Variants in MEGF11 observed in about 807,000 individuals in gnomAD.
The protein encoded by MEGF11 is multiple EGF like domains 11.
A neutral mutation model predicts 146.6 loss-of-function variants in MEGF11; 126 were observed. That is an observed-to-expected ratio of 0.86 (90% confidence interval 0.74 to 1.00). MEGF11 has a LOEUF of 1.00. MEGF11 is among the 50% of genes least tolerant of loss of function. The probability of loss-of-function intolerance (pLI) is 0.00; values close to 1 mark genes in which losing one functional copy is unlikely to be tolerated. For synonymous variants in MEGF11, 532 were observed against 583.4 expected (o/e 0.91, Z 1.27); for missense variants, 1,509 against 1,521.2 (o/e 0.99, Z 0.13).
chr15:66,098,023 A>C (rs2086625895), intron 4 of MEGF11, among the ~76,000 whole-genome samples: 2 of 152,208 alleles, frequency 1.3e-5, no homozygotes, highest in South Asian at 4.1e-4. Context: ...AAAAGCCTCC[A>C]TGATAGCAAC....
At chr15:66,230,969 C>T (rs1194070469) in intron 1 of MEGF11, among the ~76,000 whole-genome samples, 1 of 152,124 alleles carries the variant, frequency 6.6e-6, no homozygotes, top group Non-Finnish European at 1.5e-5. Flanking sequence ...GGGCTCCTTC[C>T]TACAGCAGCC....
chr15:65,995,736 G>A (rs1284446971), intron 5 of MEGF11, among the ~76,000 whole-genome samples: 2 of 152,132 alleles, frequency 1.3e-5, no homozygotes, highest in Admixed American at 1.3e-4. Flanking sequence ...AGGCACTTGG[G>A]GATGATAAAT....
At chr15:66,186,023 G>A (rs2090688674) in intron 1 of MEGF11, among the ~76,000 whole-genome samples, 1 of 152,182 alleles carries the variant, frequency 6.6e-6, no homozygotes. Context: ...CAGCTACTGG[G>A]GAGAGGTGGG....
chr15:66,014,892 C>T (rs909493864), intron 5 of MEGF11, among the ~76,000 whole-genome samples: 1 of 152,162 alleles, frequency 6.6e-6, no homozygotes, highest in Non-Finnish European at 1.5e-5. Flanking sequence ...TTGCACTTCC[C>T]TTGGAAGCTT....
chr15:66,019,823 A>G (rs1423290706), intron 5 of MEGF11, among the ~76,000 whole-genome samples: 1 of 152,148 alleles, frequency 6.6e-6, no homozygotes, highest in Non-Finnish European at 1.5e-5. Flanking sequence ...CATCCTTCCC[A>G]CGGACTTAGA....
At chr15:66,236,224 G>T (rs772884273) in intron 1 of MEGF11, among the ~76,000 whole-genome samples, 10 of 152,114 alleles carry the variant, frequency 6.6e-5, no homozygotes, top group African/African-American at 2.2e-4. Context: ...GACCAGAAGC[G>T]GCTTGGTGCT....
At chr15:66,004,098 G>T (rs2082449296) in intron 5 of MEGF11, among the ~76,000 whole-genome samples, 1 of 152,114 alleles carries the variant, frequency 6.6e-6, no homozygotes, top group Non-Finnish European at 1.5e-5. Flanking sequence ...GAGCTAAAAA[G>T]TCAGAGAAAC....
At chr15:65,970,103 C>T (rs150931676) in intron 8 of MEGF11, among the ~76,000 whole-genome samples, 7 of 152,192 alleles carry the variant, frequency 4.6e-5, no homozygotes, top group African/African-American at 1.4e-4. Context: ...TCAGTCTGCT[C>T]TTAAGCCACA....
At chr15:66,213,104 T>G (rs570399717) in intron 1 of MEGF11, among the ~76,000 whole-genome samples, 4 of 152,154 alleles carry the variant, frequency 2.6e-5, no homozygotes, top group Non-Finnish European at 5.9e-5. Flanking sequence ...ACTGGGGAAG[T>G]GCTGGTGAGC....
Position 65,980,866 on chromosome 15 carries a change from C to A in MEGF11, c.674G>T (p.Gly225Val), listed in dbSNP as rs149198962. 1 of 1,593,024 alleles carries A rather than the reference C, an allele frequency of 6.3e-7. No homozygotes were observed. Among genetic ancestry groups the A allele is most frequent in the African/African-American group, 1.3e-5 (1 of 74,532 alleles). The change falls in exon 7 of 26, where the codon GGA becomes GTA. Residue 225 changes from glycine (G) to valine (V), a missense_variant. Coordinates refer to ENST00000395614, the MANE Select transcript of MEGF11 (RefSeq NM_001385028.1). ...CEELCPPGSH[G>V]AHCELRCPCQ... ...GGGGCAGCGCAGCTCACAGTGAGCT[C>A]CATGGCTCCCAGGAGGGCACAGCTC...
chr15:65,966,958 A>T lies in MEGF11; in HGVS notation c.900-1838T>A, dbSNP rs546424607. 5 of 152,068 alleles carry T rather than the reference A, an allele frequency of 3.3e-5. No individual in the cohort carries two copies. In the East Asian group the frequency reaches 9.6e-4, roughly 29 times the overall value. 9.4% of individuals were successfully genotyped at this position (152,068 alleles called of 1,614,324 possible). A position where few individuals can be genotyped will look rare whatever the true frequency, so the allele number is the denominator to read the frequency against. On this transcript the variant is annotated intron_variant, in intron 8 of 25. Transcript: ENST00000395614. Reference sequence around the variant, plus strand: ...AAACCTGGAGGAATAGGGGTAAAAGAGGGGGATGACTTCTGGCATCCCAAA... The same window carrying T: ...AAACCTGGAGGAATAGGGGTAAAAGTGGGGGATGACTTCTGGCATCCCAAA...
At chr15:66,131,024 C>T (rs965858517) in intron 1 of MEGF11, among the ~76,000 whole-genome samples, 6 of 152,160 alleles carry the variant, frequency 3.9e-5, no homozygotes, top group South Asian at 4.1e-4. Context: ...AGAAAATGCC[C>T]CTGGTTTCAC....
chr15:65,983,033 A>G lies in MEGF11; in HGVS notation c.395-545T>C, dbSNP rs549803397. Among the ~76,000 whole-genome samples the G allele has an allele frequency of 1.2e-4, 18 of 151,860 alleles. No individual in the cohort carries two copies. In the East Asian group the frequency reaches 3.5e-3, roughly 29 times the overall value. ...ACGCATTGGTTTTCTCACCATTTGC[A>G]TTTCACTCACTCTCTGGGAATATTT... is the stretch of plus-strand genomic sequence containing the variant. On this transcript the variant is annotated intron_variant, in intron 5 of 25. Transcript: ENST00000395614.
intron 5 of MEGF11, among the ~76,000 whole-genome samples, chr15:66,046,445 A>G (rs2140323077): frequency 6.6e-6 from 1 of 152,348 alleles, no homozygotes; most frequent in Admixed American, 6.5e-5. Context: ...CGTGGTGGTC[A>G]GGCTTTCTTT....
At chr15:65,941,290 T>G (rs1048105266) in intron 10 of MEGF11, among the ~76,000 whole-genome samples, 2 of 151,912 alleles carry the variant, frequency 1.3e-5, no homozygotes, top group Non-Finnish European at 2.9e-5. Context: ...GTGGCAGGCA[T>G]CTGTAATCCC....
At chr15:66,190,958 T>A (rs1237358262) in intron 1 of MEGF11, among the ~76,000 whole-genome samples, 1 of 146,558 alleles carries the variant, frequency 6.8e-6, no homozygotes, top group African/African-American at 2.6e-5. Flanking sequence ...CAACCTAACA[T>A]CAGGCTTCAC....
chr15:65,942,101 C>T (rs1190447374), intron 10 of MEGF11, among the ~76,000 whole-genome samples: 2 of 152,068 alleles, frequency 1.3e-5, no homozygotes, highest in Admixed American at 6.6e-5. Flanking sequence ...CCGGAGAGGT[C>T]GATTTGCCCC....
chr15:66,177,671 T>C (rs2090425689), intron 1 of MEGF11, among the ~76,000 whole-genome samples: 1 of 151,522 alleles, frequency 6.6e-6, no homozygotes, highest in African/African-American at 2.4e-5. Context: ...CCAATTCCAT[T>C]GCCTTTTTCT....
At chr15:66,141,234 GT>G (rs879679370) in intron 1 of MEGF11, among the ~76,000 whole-genome samples, 26,327 of 57,718 alleles carry the variant, frequency 0.46, 3,442 homozygotes, top group South Asian at 0.53. Flanking sequence ...AGACTCAGGG[GT>G]GTGTGTGTGT....
Sources: allele counts gnomAD v4.1 joint callset (sites outside exome capture counted in the v4.1 genomes callset), GRCh38; gene constraint gnomAD v4.1.1; transcripts MANE v1.5; gene names NCBI Gene and HGNC (gene_info 2026-07-23, HGNC 2026-07-21).